The following ATP8B4 variants were observed in gnomAD, a reference collection of about 807,000 sequenced individuals.
ATP8B4 encodes ATPase phospholipid transporting 8B4 (putative).
ATP8B4 carries 133 observed loss-of-function variants against 145.6 expected under a neutral mutation model. That is an observed-to-expected ratio of 0.91 (90% CI 0.79 to 1.05). The LOEUF is 1.05. Among genes scored for constraint, ATP8B4 ranks in the 50% least tolerant of loss-of-function variants. The pLI, the probability that ATP8B4 is intolerant of heterozygous loss-of-function variation, is 0.00. For synonymous variants in ATP8B4, 507 were observed against 492.9 expected (o/e 1.03, Z -0.38); for missense variants, 1,458 against 1,425.2 (o/e 1.02, Z -0.37).
intron 20 of ATP8B4, among the ~76,000 whole-genome samples, chr15:49,905,746 T>A (rs1469956822): frequency 6.6e-6 from 1 of 152,114 alleles, no homozygotes; most frequent in African/African-American, 2.4e-5. Context: ...AAAAAGATAA[T>A]TTTTTTAGCT....
chr15:50,163,238 G>A (rs2044547271), intron 1 of ATP8B4, among the ~76,000 whole-genome samples: 1 of 152,194 alleles, frequency 6.6e-6, no homozygotes, highest in South Asian at 2.1e-4. Context: ...TTCATGGCCT[G>A]GATTTGTTTG....
chr15:50,066,864 C>T (rs2053419211), intron 3 of ATP8B4, among the ~76,000 whole-genome samples: 1 of 151,966 alleles, frequency 6.6e-6, no homozygotes, highest in African/African-American at 2.4e-5. Context: ...CGGCTTTCTT[C>T]AGGTCCTCCA....
At chr15:49,952,801 C>CT (rs549026129) in intron 14 of ATP8B4, among the ~76,000 whole-genome samples, 7 of 151,962 alleles carry the variant, frequency 4.6e-5, no homozygotes, top group African/African-American at 7.3e-5. Context: ...GTTTTCAGCA[C>CT]TTTTTTTTGT....
intron 1 of ATP8B4, among the ~76,000 whole-genome samples, chr15:50,108,215 C>A (rs144671789): frequency 3.3e-5 from 5 of 152,146 alleles, no homozygotes; most frequent in East Asian, 1.9e-4. Context: ...TCTACTCCCC[C>A]ACCCCAGCCC....
Position 50,072,624 on chromosome 15 carries a change from GT to G in ATP8B4, c.87+1502del, listed in dbSNP as rs957729680. On this transcript the variant is annotated intron_variant, in intron 3 of 27. Coordinates refer to ENST00000284509, the MANE Select transcript of ATP8B4 (RefSeq NM_024837.4). ...TCAGGACCTGGGAACTTTATCTTTT[GT>G]TTTTTTTTCCTTTCGAGATGGAGTC... Among the ~76,000 whole-genome samples, 26 of 150,274 alleles carry G rather than the reference GT, an allele frequency of 1.7e-4. No individual in the cohort carries two copies. In the South Asian group the frequency reaches 3.6e-3, roughly 21 times the overall value.
intron 20 of ATP8B4, among the ~76,000 whole-genome samples, chr15:49,905,240 C>T (rs59490780): frequency 0.11 from 16,700 of 152,162 alleles, 1,041 homozygotes; most frequent in South Asian, 0.2. Flanking sequence ...ATAATCTAAG[C>T]ACATTTGACA....
chr15:49,960,180 C>A (rs2043945168), intron 14 of ATP8B4, among the ~76,000 whole-genome samples: 1 of 152,174 alleles, frequency 6.6e-6, no homozygotes, highest in Admixed American at 6.5e-5. Flanking sequence ...GGCACCACCA[C>A]CACGCTTGGC....
intron 9 of ATP8B4, among the ~76,000 whole-genome samples, chr15:49,992,709 G>C (rs1272579157): frequency 6.6e-6 from 1 of 152,078 alleles, no homozygotes; most frequent in African/African-American, 2.4e-5. Context: ...GCTAGAGAAA[G>C]TATTTTGGCA....
chr15:50,064,599 A>T (rs1388506809), intron 3 of ATP8B4, among the ~76,000 whole-genome samples: 5 of 152,172 alleles, frequency 3.3e-5, no homozygotes, highest in Admixed American at 3.3e-4. Context: ...TTCAAGTTTA[A>T]TGCCTAAGTA....
intron 20 of ATP8B4, among the ~76,000 whole-genome samples, chr15:49,913,231 C>T (rs748871096): frequency 3.4e-4 from 52 of 151,556 alleles, no homozygotes; most frequent in African/African-American, 9.2e-4. Flanking sequence ...GTTCAACATA[C>T]GTAATAAATA....
intron 3 of ATP8B4, among the ~76,000 whole-genome samples, chr15:50,069,841 G>A (rs987449417): frequency 3.3e-5 from 5 of 152,132 alleles, no homozygotes; most frequent in African/African-American, 9.7e-5. Context: ...ACTTAGACAA[G>A]TTACTAAATG....
chr15:50,047,592 G>C, intron 3 of ATP8B4, 128 bp from the exon 4 acceptor site: 5 of 664,146 alleles, frequency 7.5e-6, no homozygotes, highest in South Asian at 1.7e-5. Flanking sequence ...TTTCAACTCT[G>C]TGTGGCTCAA....
upstream of ATP8B4, among the ~76,000 whole-genome samples, chr15:50,120,775 A>T (rs1262870330): frequency 6.6e-6 from 1 of 152,180 alleles, no homozygotes; most frequent in African/African-American, 2.4e-5. Flanking sequence ...ATATTGATAC[A>T]AAAGAGTACT....
At chr15:49,998,108 A>C (rs1214465626) in intron 8 of ATP8B4, among the ~76,000 whole-genome samples, 1 of 152,172 alleles carries the variant, frequency 6.6e-6, no homozygotes, top group Non-Finnish European at 1.5e-5. Flanking sequence ...AATTTATCAA[A>C]GTTTATCATC....
intron 1 of ATP8B4, among the ~76,000 whole-genome samples, chr15:50,116,747 G>A (rs2057169594): frequency 6.6e-6 from 1 of 152,060 alleles, no homozygotes; most frequent in Admixed American, 6.6e-5. Context: ...TTTCCCCTAG[G>A]CATCTAGTAC....
chr15:50,080,682 C>T (rs2054486311), intron 2 of ATP8B4, among the ~76,000 whole-genome samples: 1 of 152,048 alleles, frequency 6.6e-6, no homozygotes, highest in Non-Finnish European at 1.5e-5. Flanking sequence ...ATCCTCCCAC[C>T]TTGGCCTCCT....
Position 49,862,803 on chromosome 15 carries a change from T to C in ATP8B4, c.3167-428A>G, listed in dbSNP as rs115728010. On this transcript the variant is annotated intron_variant, in intron 26 of 27. Transcript: ENST00000284509. Reference sequence around the variant, plus strand: ...TTTGGATCACCTAATGTCACCATGATGATAAGAAGGCAGAAGTGCTAAGAT... The same window carrying C: ...TTTGGATCACCTAATGTCACCATGACGATAAGAAGGCAGAAGTGCTAAGAT... Among the ~76,000 whole-genome samples, 688 of 152,254 alleles carry C rather than the reference T, an allele frequency of 4.5e-3. 4 individuals are homozygous for C. Among genetic ancestry groups the C allele is most frequent in the African/African-American group, 0.016 (665 of 41,564 alleles).
chr15:50,091,741 G>A (rs1239826073), intron 2 of ATP8B4, among the ~76,000 whole-genome samples: 1 of 151,920 alleles, frequency 6.6e-6, no homozygotes, highest in Non-Finnish European at 1.5e-5. Flanking sequence ...TCTTCCTGAT[G>A]TATTCAAATA....
chr15:50,062,582 C>G (rs1245132368), intron 3 of ATP8B4, among the ~76,000 whole-genome samples: 1 of 152,092 alleles, frequency 6.6e-6, no homozygotes, highest in Non-Finnish European at 1.5e-5. Context: ...GAGAGGAAGA[C>G]AATTCCACTT....
Sources: gnomAD v4.1 joint callset for allele counts (sites outside exome capture counted in the v4.1 genomes callset) on GRCh38, gnomAD v4.1.1 for gene constraint, MANE v1.5 for transcripts, NCBI Gene and HGNC (gene_info 2026-07-23, HGNC 2026-07-21) for gene names.